Variants in GPHN observed in about 807,000 individuals in gnomAD.
GPHN encodes the protein gephyrin.
In GPHN, 17 loss-of-function variants were observed where a neutral mutation model predicts 95.5. The ratio of observed to expected loss-of-function variants is 0.18; its 90% CI spans 0.12 to 0.27. The LOEUF is 0.27. GPHN is among the 10% of genes least tolerant of loss of function. GPHN has a pLI of 1.00. For synonymous variants in GPHN, 320 were observed against 322.5 expected, an observed-to-expected ratio of 0.99 and a Z score of 0.08; for missense variants, 660 against 978.1, an observed-to-expected ratio of 0.67 and a Z score of 4.34.
chr14:66,655,531 G>A (rs138034268), intron 1 of GPHN, among the ~76,000 whole-genome samples: 1,559 of 152,126 alleles, frequency 0.01, 17 homozygotes, highest in Middle Eastern at 0.017. Flanking sequence ...GTTGACAAAT[G>A]TGCCATTTGC....
At chr14:67,473,747 G>A in the GPHN span, 2 of 1,613,370 alleles carry the variant, frequency 1.2e-6, no homozygotes, top group Non-Finnish European at 1.7e-6. This position sits in a 1 kb window ranked among gnomAD's most constrained non-coding sequence, Gnocchi z 6.5. Context: ...TGCGCTCCAC[G>A]ATGAGGATGG....
intron 1 of GPHN, among the ~76,000 whole-genome samples, chr14:66,540,087 C>G (rs781226405): frequency 3.3e-5 from 5 of 152,220 alleles, no homozygotes; most frequent in African/African-American, 2.4e-5. Flanking sequence ...TTCAGCAGCT[C>G]ACAACAACAA....
intron 1 of GPHN, among the ~76,000 whole-genome samples, chr14:66,519,618 CACAGTT>C (rs1211979079): frequency 6.6e-6 from 1 of 152,028 alleles, no homozygotes; most frequent in African/African-American, 2.4e-5. Flanking sequence ...TTCAGTTTCC[CACAGTT>C]TCTGTTTAAT....
At chr14:66,511,459 A>G (rs2058038566) in intron 1 of GPHN, among the ~76,000 whole-genome samples, 1 of 152,058 alleles carries the variant, frequency 6.6e-6, no homozygotes, top group Non-Finnish European at 1.5e-5. Context: ...CTATTTTACA[A>G]AGATAGTGGA....
At chr14:66,674,848 G>A (rs2066496036) in intron 1 of GPHN, among the ~76,000 whole-genome samples, 1 of 152,154 alleles carries the variant, frequency 6.6e-6, no homozygotes, top group Admixed American at 6.5e-5. Flanking sequence ...TCCTGTGATT[G>A]CTGGATCAGA....
chr14:67,538,552 C>T, the GPHN span, among the ~76,000 whole-genome samples: 1 of 152,200 alleles, frequency 6.6e-6, no homozygotes, highest in Non-Finnish European at 1.5e-5. Context: ...TGAGGCTCAG[C>T]TTACTGGTAT....
chr14:67,356,581 G>A, the GPHN span, among the ~76,000 whole-genome samples: 1 of 152,134 alleles, frequency 6.6e-6, no homozygotes, highest in African/African-American at 2.4e-5. Context: ...GAAAAATGAG[G>A]CTTAGAAAAG....
intron 1 of GPHN, among the ~76,000 whole-genome samples, chr14:66,579,614 A>G: frequency 6.6e-6 from 1 of 151,826 alleles, no homozygotes; most frequent in East Asian, 1.9e-4. Flanking sequence ...ACAGAAGATT[A>G]TTATATAATG....
chr14:67,005,670 C>T (rs1455783969), intron 9 of GPHN, among the ~76,000 whole-genome samples: 1 of 151,810 alleles, frequency 6.6e-6, no homozygotes, highest in Non-Finnish European at 1.5e-5. Flanking sequence ...CATGAATAAG[C>T]GTCAATGCAT....
the GPHN span, among the ~76,000 whole-genome samples, chr14:67,192,809 T>C: frequency 1.4e-5 from 2 of 147,504 alleles, no homozygotes; most frequent in Non-Finnish European, 3.0e-5. Flanking sequence ...TATATAGATA[T>C]AGATATCTAT....
chr14:66,827,349 C>T (rs939845393), intron 4 of GPHN, among the ~76,000 whole-genome samples: 2 of 151,550 alleles, frequency 1.3e-5, no homozygotes, highest in African/African-American at 4.8e-5. Context: ...GCACTCTGTA[C>T]TGCTATCACT....
chr14:66,715,149 C>G (rs1326507850), intron 2 of GPHN, among the ~76,000 whole-genome samples: 2 of 152,044 alleles, frequency 1.3e-5, no homozygotes, highest in Non-Finnish European at 2.9e-5. Flanking sequence ...CTGTTTCAGT[C>G]TTGCTGCTTG....
At chr14:67,159,892 GT>G (rs1442138023) in intron 19 of GPHN, among the ~76,000 whole-genome samples, 2 of 152,004 alleles carry the variant, frequency 1.3e-5, no homozygotes, top group African/African-American at 4.8e-5. Context: ...GGGAGGGCTG[GT>G]TTGTTTAAAA....
the GPHN span, chr14:67,385,003 T>G: frequency 1.3e-5 from 2 of 152,226 alleles, no homozygotes; most frequent in African/African-American, 4.8e-5. Context: ...TACTGAAATT[T>G]GTTATACTTC....
Position 66,703,793 on chromosome 14 carries a change from A to T in GPHN, c.143+22608A>T, listed in dbSNP as rs866952349. Among the ~76,000 whole-genome samples the T allele has an allele frequency of 1.1e-4, 16 of 152,264 alleles. No individual in the cohort carries two copies. The South Asian group carries it at 3.3e-3, about 32-fold the overall frequency. On this transcript the variant is annotated intron_variant, in intron 2 of 22. Transcript: ENST00000478722. ...ATCAAATTCACACATAATAATACTGACCTTAAATGTAAATGGGCTAAATGC... is the reference window on the plus strand; with the variant it reads ...ATCAAATTCACACATAATAATACTGTCCTTAAATGTAAATGGGCTAAATGC...
the GPHN span, among the ~76,000 whole-genome samples, chr14:67,542,182 T>TA: frequency 0.092 from 13,974 of 152,252 alleles, 721 homozygotes; most frequent in East Asian, 0.14. Context: ...CTTGCTTGCG[T>TA]CTTTGCTCGC....
chr14:67,461,802 C>G, the GPHN span, among the ~76,000 whole-genome samples: 1 of 152,224 alleles, frequency 6.6e-6, no homozygotes, highest in African/African-American at 2.4e-5. Flanking sequence ...CCTGGGAGAA[C>G]AGATTGAGTG....
the GPHN span, among the ~76,000 whole-genome samples, chr14:67,583,440 C>A: frequency 6.6e-6 from 1 of 152,108 alleles, no homozygotes; most frequent in African/African-American, 2.4e-5. Context: ...GGACTGGAAG[C>A]CAGAATTTCC....
intron 10 of GPHN, among the ~76,000 whole-genome samples, chr14:67,024,238 C>T (rs985151699): frequency 1.3e-5 from 2 of 152,074 alleles, no homozygotes; most frequent in African/African-American, 4.8e-5. Context: ...ATTCATTTTT[C>T]TGTCTTATAA....
Sources: gnomAD v4.1 joint callset for allele counts (sites outside exome capture counted in the v4.1 genomes callset) on GRCh38, gnomAD v4.1.1 for gene constraint, Gnocchi (gnomAD v3.1) non-coding constraint, MANE v1.5 for transcripts, NCBI Gene and HGNC (gene_info 2026-07-23, HGNC 2026-07-21) for gene names.